Variants in ACSL1 observed in about 807,000 individuals in gnomAD.
ACSL1 encodes acyl-CoA synthetase long chain family member 1.
A neutral mutation model predicts 98.4 loss-of-function variants in ACSL1; 41 were observed. That is an observed-to-expected ratio of 0.42 (90% CI 0.32 to 0.54). ACSL1 has a LOEUF of 0.54. ACSL1 is among the 20% of genes least tolerant of loss of function. The pLI, the probability that ACSL1 is intolerant of heterozygous loss-of-function variation, is 0.13. For missense variants in ACSL1, 734 were observed against 883.1 expected (o/e 0.83, Z 2.14); for synonymous variants, 316 against 322.7 (o/e 0.98, Z 0.22).
chr4:184,804,641 T>C (rs1771109467), intron 1 of ACSL1, among the ~76,000 whole-genome samples: 1 of 151,174 alleles, frequency 6.6e-6, no homozygotes, highest in Non-Finnish European at 1.5e-5. Flanking sequence ...CTCCCTGGCA[T>C]ATGAGCTGTA....
At chr4:184,795,328 G>A (rs1296995620) in intron 2 of ACSL1, among the ~76,000 whole-genome samples, 3 of 152,160 alleles carry the variant, frequency 2.0e-5, no homozygotes, top group African/African-American at 7.2e-5. Flanking sequence ...ATTACAGCAC[G>A]CATTTCCGTC....
chr4:184,789,543 A>T (rs967892305), intron 2 of ACSL1, among the ~76,000 whole-genome samples: 15 of 152,254 alleles, frequency 9.9e-5, no homozygotes, highest in African/African-American at 3.6e-4. Context: ...GCTACAAAAC[A>T]TATGCATGTG....
chr4:184,790,970 G>A (rs1341763717), intron 2 of ACSL1, among the ~76,000 whole-genome samples: 1 of 152,184 alleles, frequency 6.6e-6, no homozygotes, highest in Non-Finnish European at 1.5e-5. Flanking sequence ...AGGGGGAAAG[G>A]ACAAAATGAG....
intron 10 of ACSL1, among the ~76,000 whole-genome samples, chr4:184,772,507 ACC>A (rs1022541592): frequency 1.3e-5 from 2 of 152,010 alleles, no homozygotes; most frequent in Non-Finnish European, 2.9e-5. Context: ...GAATCACATC[ACC>A]CCCTTCTAAA....
At chr4:184,818,630 G>A (rs914841383) in intron 1 of ACSL1, among the ~76,000 whole-genome samples, 1 of 152,168 alleles carries the variant, frequency 6.6e-6, no homozygotes, top group Non-Finnish European at 1.5e-5. Context: ...ATGCTTACTA[G>A]CGGTAAGGCC....
intron 18 of ACSL1, 166 bp from the exon 19 acceptor site, chr4:184,758,086 T>C: frequency 1.6e-6 from 1 of 619,042 alleles, no homozygotes; most frequent in Non-Finnish European, 2.7e-6. Context: ...TCAGCCCAGA[T>C]TAAGAACTCC....
intron 2 of ACSL1, among the ~76,000 whole-genome samples, chr4:184,789,591 A>G (rs1364101719): frequency 6.6e-6 from 1 of 152,262 alleles, no homozygotes; most frequent in Non-Finnish European, 1.5e-5. Context: ...TGCAACATTT[A>G]TAGGTGTGCA....
chr4:184,765,356 T>C (rs1763432148), intron 14 of ACSL1, among the ~76,000 whole-genome samples: 1 of 152,240 alleles, frequency 6.6e-6, no homozygotes, highest in African/African-American at 2.4e-5. Context: ...GTCTTGCACC[T>C]GATCCTAGAG....
chr4:184,808,774 A>G (rs1476276235), intron 1 of ACSL1, among the ~76,000 whole-genome samples: 1 of 152,184 alleles, frequency 6.6e-6, no homozygotes, highest in Non-Finnish European at 1.5e-5. Flanking sequence ...TTTTGAACCA[A>G]AAGAGCAGTC....
chr4:184,812,545 G>A (rs1231701918), intron 1 of ACSL1, among the ~76,000 whole-genome samples: 2 of 152,260 alleles, frequency 1.3e-5, no homozygotes, highest in East Asian at 3.9e-4. Flanking sequence ...AGCCACTGAT[G>A]TAAAGGGGAC....
intron 17 of ACSL1, among the ~76,000 whole-genome samples, chr4:184,761,904 A>G (rs927050785): frequency 2.0e-5 from 3 of 152,130 alleles, no homozygotes; most frequent in African/African-American, 7.2e-5. Context: ...AGGCGGGTGG[A>G]TCACCTGAGG....
At chr4:184,817,839 G>A (rs1046607496) in intron 1 of ACSL1, among the ~76,000 whole-genome samples, 5 of 152,134 alleles carry the variant, frequency 3.3e-5, no homozygotes, top group African/African-American at 1.2e-4. Flanking sequence ...GCTTGAGGCC[G>A]AGACCCACGC....
intron 1 of ACSL1, chr4:184,813,849 C>T (rs1348278606): frequency 2.2e-6 from 1 of 456,168 alleles, no homozygotes; most frequent in East Asian, 6.9e-5. Flanking sequence ...CACTTTCCTC[C>T]TCCGAGGGCC....
At position 184,803,352 on chromosome 4, in the gene ACSL1, A is replaced by G. The variant is rs778084740; in HGVS notation, c.163T>C (p.Cys55Arg). 7 of 1,609,702 alleles carry G rather than the reference A, an allele frequency of 4.3e-6. No individual in the cohort carries two copies. In the South Asian group the frequency reaches 6.6e-5, roughly 15 times the overall value. Residue 55 changes from cysteine to arginine, a missense_variant, in exon 2 of 21, where the codon TGC (cysteine) becomes CGC (arginine). Physicochemically the swap from Cys to Arg is radical, Grantham distance 180. Coordinates refer to ENST00000281455, the MANE Select transcript of ACSL1 (RefSeq NM_001995.5). The surrounding 1 kb of genome is among the most constrained non-coding windows in gnomAD (Gnocchi z 4.8). Reference sequence around the variant, plus strand: ...TCCACTGACTGCATGGAGAGGTCGCATGGCGGCTTCAGGGGTTTGGGTCTC... The same window carrying G: ...TCCACTGACTGCATGGAGAGGTCGCGTGGCGGCTTCAGGGGTTTGGGTCTC... Reference protein sequence around the residue: ...ATRPKPLKPPCDLSMQSVEVA... With the variant: ...ATRPKPLKPPRDLSMQSVEVA...
At chr4:184,801,122 C>T (rs920478175) in intron 2 of ACSL1, among the ~76,000 whole-genome samples, 1 of 146,730 alleles carries the variant, frequency 6.8e-6, no homozygotes, top group African/African-American at 2.7e-5. Context: ...TCCCAAAGTG[C>T]AGGGATTACA....
Position 184,757,167 on chromosome 4 carries a change from G to A in ACSL1, c.2055C>T (p.Phe685=), listed in dbSNP as rs781575726. Reference sequence around the variant, plus strand: ...AATAGAGGTCATCTATCTGCGACCTGAAATAGTTCCGCAGCTCTGGCCTTT... The same window carrying A: ...AATAGAGGTCATCTATCTGCGACCTAAAATAGTTCCGCAGCTCTGGCCTTT... The part of the protein sequence containing the change: ...KAKRPELRNY[F]RSQIDDLYST... Residue 685 remains phenylalanine, a synonymous_variant, in exon 21 of 21, where the codon TTC becomes TTT. Coordinates refer to ENST00000281455, the MANE Select transcript of ACSL1 (RefSeq NM_001995.5). This position sits in a 1 kb window ranked among gnomAD's most constrained non-coding sequence, Gnocchi z 4.5. The A allele has an allele frequency of 2.5e-6, 4 of 1,609,302 alleles. No individual in the cohort carries two copies. The African/African-American group carries it at 5.3e-5, about 21-fold the overall frequency.
intron 1 of ACSL1, among the ~76,000 whole-genome samples, chr4:184,811,288 AT>A (rs557128839): frequency 2.0e-5 from 3 of 150,960 alleles, no homozygotes; most frequent in Admixed American, 6.6e-5. Flanking sequence ...TTTTTTTTGT[AT>A]TTTTAGTAGA....
At position 184,788,632 on chromosome 4, in the gene ACSL1, C is replaced by T; in HGVS notation, c.295G>A (p.Gly99Arg). 1 of 1,614,024 alleles carries T rather than the reference C, an allele frequency of 6.2e-7. No homozygotes were observed. The highest frequency in any genetic ancestry group is 1.1e-5 in the South Asian group (1 of 91,080). The stretch of plus-strand genomic sequence containing the variant: ...AAATGCTTACTTGACACCTGTATTC[C>T]CCTCTGGAAACCTTCGTATAATGTT... ...VTTLYEGFQR[G>R]IQVSNNGPCL... The change falls in exon 3 of 21, where the codon GGA (glycine) becomes AGA (arginine). Residue 99 changes from glycine to arginine, a missense_variant. Coordinates refer to ENST00000281455, the MANE Select transcript of ACSL1 (RefSeq NM_001995.5).
intron 2 of ACSL1, among the ~76,000 whole-genome samples, chr4:184,801,141 C>T (rs897272242): frequency 2.0e-5 from 3 of 152,054 alleles, no homozygotes; most frequent in African/African-American, 7.2e-5. Context: ...CAGCATGTGC[C>T]ACTGCACCCA....
Sources: gnomAD v4.1 joint callset for allele counts (sites outside exome capture counted in the v4.1 genomes callset) on GRCh38, gnomAD v4.1.1 for gene constraint, Gnocchi (gnomAD v3.1) non-coding constraint, MANE v1.5 for transcripts, NCBI Gene and HGNC (gene_info 2026-07-23, HGNC 2026-07-21) for gene names.